The following ZNF704 variants were observed in gnomAD, a reference collection of about 807,000 sequenced individuals.
ZNF704 encodes the protein zinc finger protein 704, also known as glucocorticoid induced gene 1.
In ZNF704, 10 loss-of-function variants were observed where a neutral mutation model predicts 44.7. The observed-to-expected ratio is 0.22, with a 90% confidence interval of 0.14 to 0.38. ZNF704 has a LOEUF of 0.38. ZNF704 is among the 10% of genes least tolerant of loss of function. The pLI is 1.00. For synonymous variants in ZNF704, 211 were observed against 207.6 expected (o/e 1.02, Z -0.14); for missense variants, 390 against 545.5 (o/e 0.71, Z 2.84).
Position 80,826,050 on chromosome 8 carries a change from A to G in ZNF704, c.-21-4435T>C, listed in dbSNP as rs1168679121. ...GCAAGAGCAAACACATCCAAAAGCT[A>G]GCAGAAGGCAAGAAATAACTAAGAT... On this transcript the variant is annotated intron_variant, in intron 1 of 8. Coordinates refer to ENST00000327835, the MANE Select transcript of ZNF704 (RefSeq NM_001033723.3). 2.0e-5 allele frequency among the ~76,000 whole-genome samples: 3 copies of G among 149,078 alleles called. No homozygotes were observed. The East Asian group carries it at 5.8e-4, about 29-fold the overall frequency.
At chr8:80,766,235 T>A (rs1807225572) in intron 2 of ZNF704, among the ~76,000 whole-genome samples, 1 of 151,618 alleles carries the variant, frequency 6.6e-6, no homozygotes, top group African/African-American at 2.4e-5. Flanking sequence ...TCTCCAATAT[T>A]TTTTTTTAAT....
intron 1 of ZNF704, among the ~76,000 whole-genome samples, chr8:80,848,448 G>A (rs1452417466): frequency 6.6e-6 from 1 of 152,180 alleles, no homozygotes; most frequent in African/African-American, 2.4e-5. Flanking sequence ...ATATATTATG[G>A]TTACACAAGA....
upstream of ZNF704, among the ~76,000 whole-genome samples, chr8:80,876,425 G>A (rs1200288296): frequency 6.6e-6 from 1 of 152,178 alleles, no homozygotes; most frequent in Non-Finnish European, 1.5e-5. Context: ...TCGTTGATTT[G>A]GGAGATGATT....
At chr8:80,871,028 C>A (rs1025967134) in intron 1 of ZNF704, among the ~76,000 whole-genome samples, 2 of 152,138 alleles carry the variant, frequency 1.3e-5, no homozygotes, top group African/African-American at 4.8e-5. Context: ...CATCAACCAA[C>A]CCATCCACAA....
At chr8:80,798,402 C>T (rs543244908) in intron 2 of ZNF704, among the ~76,000 whole-genome samples, 2 of 152,238 alleles carry the variant, frequency 1.3e-5, no homozygotes, top group African/African-American at 4.8e-5. Flanking sequence ...ATTACAGGCA[C>T]TAGCCACCAC....
chr8:80,821,044 A>G (rs1265815235), intron 2 of ZNF704, among the ~76,000 whole-genome samples: 3 of 152,262 alleles, frequency 2.0e-5, no homozygotes. Flanking sequence ...TGAAGTGGCT[A>G]CAGTCCTACT....
In ZNF704 at chr8:80,728,618, T is replaced by C. The variant is rs564153123; in HGVS notation, c.222-35511A>G. On this transcript the variant is annotated intron_variant, in intron 2 of 8. Coordinates refer to ENST00000327835, the MANE Select transcript of ZNF704 (RefSeq NM_001033723.3). ...ATTTATTATTATTATCCCTAATTTA[T>C]AGGTGACAAAAACCAAAGAAGTGAA... 2.7e-4 allele frequency among the ~76,000 whole-genome samples: 41 copies of C among 152,318 alleles called. No individual in the cohort carries two copies. In the South Asian group the frequency reaches 8.5e-3, roughly 32 times the overall value.
intron 1 of ZNF704, among the ~76,000 whole-genome samples, chr8:80,848,464 C>T (rs1586072881): frequency 6.6e-6 from 1 of 152,138 alleles, no homozygotes; most frequent in African/African-American, 2.4e-5. Flanking sequence ...CAAGATGTTA[C>T]CATTGAAAGA....
intron 2 of ZNF704, among the ~76,000 whole-genome samples, chr8:80,798,355 A>T (rs1314427515): frequency 6.6e-6 from 1 of 151,964 alleles, no homozygotes; most frequent in Non-Finnish European, 1.5e-5. Flanking sequence ...TCCCAGGTTC[A>T]AGTGATTCTC....
chr8:80,863,334 A>G (rs547208079), intron 1 of ZNF704, among the ~76,000 whole-genome samples: 4 of 152,342 alleles, frequency 2.6e-5, no homozygotes, highest in African/African-American at 9.6e-5. Flanking sequence ...ATTTATGACA[A>G]CCTATGAAAA....
chr8:80,788,336 A>G (rs748278746), intron 2 of ZNF704, among the ~76,000 whole-genome samples: 1 of 152,234 alleles, frequency 6.6e-6, no homozygotes, highest in Non-Finnish European at 1.5e-5. Context: ...AAAATGCTCA[A>G]TGAACTAGAA....
intron 2 of ZNF704, among the ~76,000 whole-genome samples, chr8:80,800,044 T>C (rs966871986): frequency 2.0e-5 from 3 of 151,982 alleles, no homozygotes; most frequent in Non-Finnish European, 4.4e-5. Flanking sequence ...AAGAGCAGAA[T>C]AGACCAAGCA....
At chr8:80,652,337 T>TA (rs1817936511) in intron 7 of ZNF704, among the ~76,000 whole-genome samples, 2 of 150,812 alleles carry the variant, frequency 1.3e-5, no homozygotes, top group South Asian at 4.2e-4. Context: ...CTGAAAGAAA[T>TA]AGAGACACAA....
At chr8:80,749,712 T>C (rs1386707313) in intron 2 of ZNF704, 2 of 153,076 alleles carry the variant, frequency 1.3e-5, no homozygotes, top group African/African-American at 2.4e-5. Context: ...ACTCACACTT[T>C]TAATGCATAG....
chr8:80,848,143 G>C (rs1279246726), intron 1 of ZNF704, among the ~76,000 whole-genome samples: 2 of 152,142 alleles, frequency 1.3e-5, no homozygotes, highest in Non-Finnish European at 2.9e-5. Flanking sequence ...ATCTCAAAGG[G>C]TTTACTCACT....
chr8:80,708,104 T>C (rs1030306425), intron 2 of ZNF704, among the ~76,000 whole-genome samples: 3 of 152,256 alleles, frequency 2.0e-5, no homozygotes, highest in South Asian at 2.1e-4. Context: ...ACTGATCAAT[T>C]TGAACTTTCA....
intron 2 of ZNF704, among the ~76,000 whole-genome samples, chr8:80,761,069 G>C (rs1458966397): frequency 1.3e-5 from 2 of 152,104 alleles, no homozygotes; most frequent in Non-Finnish European, 2.9e-5. Flanking sequence ...TTTGGGTGGA[G>C]ACACAGATCC....
chr8:80,826,604 G>T (rs7845009), intron 1 of ZNF704, among the ~76,000 whole-genome samples: 33,780 of 151,936 alleles, frequency 0.22, 5,426 homozygotes, highest in African/African-American at 0.46. Flanking sequence ...TACCAAAGCC[G>T]GGCAGAGACA....
At chr8:80,743,240 AC>A (rs1445204129) in intron 2 of ZNF704, among the ~76,000 whole-genome samples, 3 of 151,380 alleles carry the variant, frequency 2.0e-5, no homozygotes, top group Admixed American at 1.3e-4. Context: ...TAAAAAAAAA[AC>A]AACTCCACAT....
Sources: gnomAD v4.1 joint callset for allele counts (sites outside exome capture counted in the v4.1 genomes callset) on GRCh38, gnomAD v4.1.1 for gene constraint, MANE v1.5 for transcripts, NCBI Gene and HGNC (gene_info 2026-07-23, HGNC 2026-07-21) for gene names.